SPATA16: variants seen among roughly 807,000 people sequenced by gnomAD.
SPATA16 encodes spermatogenesis associated 16.
In SPATA16, 36 loss-of-function variants were observed where a neutral mutation model predicts 63.3. That is an observed-to-expected ratio of 0.57 (90% CI 0.44 to 0.75). The LOEUF (loss-of-function observed/expected upper bound fraction) is 0.75. SPATA16 is among the 30% of genes least tolerant of loss of function. The pLI, the probability that SPATA16 is intolerant of heterozygous loss-of-function variation, is 0.00. For missense variants in SPATA16, 646 were observed against 679.3 expected, an observed-to-expected ratio of 0.95 and a Z score of 0.54; for synonymous variants, 203 against 216.7, an observed-to-expected ratio of 0.94 and a Z score of 0.56.
chr3:172,952,430 T>C (rs1260401270), intron 6 of SPATA16, among the ~76,000 whole-genome samples: 2 of 152,128 alleles, frequency 1.3e-5, no homozygotes, highest in Non-Finnish European at 1.5e-5. Context: ...CATTCAGGAA[T>C]CTACCTTCTT....
chr3:172,913,681 C>A lies in SPATA16; in HGVS notation c.1567G>T (p.Val523Leu). 1.2e-6 allele frequency: 2 copies of A among 1,613,746 alleles called. No individual in the cohort carries two copies. The highest frequency in any genetic ancestry group is 1.7e-6 in the Non-Finnish European group (2 of 1,179,746). ...TTTACCTTTTGGATCATATTCCACACACGTTCATTATTGTTTCTTCTTCCT... is the reference window on the plus strand; with the variant it reads ...TTTACCTTTTGGATCATATTCCACAAACGTTCATTATTGTTTCTTCTTCCT... ...LEGRRNNNER[V>L]WNMIQKVGQI... Residue 523 changes from valine (V) to leucine (L), a missense_variant, in exon 10 of 11, where the codon GTG becomes TTG. Transcript: ENST00000351008.
intron 4 of SPATA16, 140 bp from the exon 5 acceptor site, chr3:172,977,192 A>G (rs1328813936): frequency 1.4e-6 from 1 of 736,120 alleles, no homozygotes; most frequent in African/African-American, 1.8e-5. Flanking sequence ...TAAGCAAAAC[A>G]CAAAGCACAT....
chr3:173,066,844 G>C (rs535366661), intron 2 of SPATA16, among the ~76,000 whole-genome samples: 1 of 152,008 alleles, frequency 6.6e-6, no homozygotes, highest in Non-Finnish European at 1.5e-5. Context: ...GGCCACTCCC[G>C]GAGTGACAGA....
chr3:173,101,762 T>C (rs1032696513), intron 2 of SPATA16, among the ~76,000 whole-genome samples: 1 of 152,140 alleles, frequency 6.6e-6, no homozygotes, highest in East Asian at 1.9e-4. Context: ...ATACTCTAGA[T>C]CCAAGAGTAT....
intron 2 of SPATA16, among the ~76,000 whole-genome samples, chr3:173,107,990 G>T (rs1284761073): frequency 6.6e-6 from 1 of 152,052 alleles, no homozygotes; most frequent in East Asian, 1.9e-4. Context: ...AATTGGTTAG[G>T]TATTGATTCA....
chr3:172,980,872 C>T (rs889867018), intron 4 of SPATA16, among the ~76,000 whole-genome samples: 1 of 152,170 alleles, frequency 6.6e-6, no homozygotes, highest in Admixed American at 6.5e-5. Flanking sequence ...ACTGGAAAAC[C>T]TCGCACTCTT....
chr3:173,013,524 G>C (rs1367752922), intron 4 of SPATA16, among the ~76,000 whole-genome samples: 5 of 152,232 alleles, frequency 3.3e-5, no homozygotes, highest in African/African-American at 7.2e-5. Flanking sequence ...TTTACAAAAG[G>C]GGGTGGGCTA....
chr3:173,061,134 T>G (rs1736369710), intron 2 of SPATA16, among the ~76,000 whole-genome samples: 1 of 152,240 alleles, frequency 6.6e-6, no homozygotes. Context: ...CCACCTCTTC[T>G]TATCAACATC....
intron 4 of SPATA16, among the ~76,000 whole-genome samples, chr3:172,980,627 A>G (rs1168091198): frequency 1.3e-5 from 2 of 152,134 alleles, no homozygotes; most frequent in Admixed American, 1.3e-4. Flanking sequence ...CTTCTGCACT[A>G]GATCTCATCC....
At chr3:172,927,616 A>C (rs1338940601) in intron 6 of SPATA16, among the ~76,000 whole-genome samples, 1 of 152,168 alleles carries the variant, frequency 6.6e-6, no homozygotes, top group Non-Finnish European at 1.5e-5. Context: ...ACAGATGATA[A>C]AGCTGGAGCT....
intron 2 of SPATA16, among the ~76,000 whole-genome samples, chr3:173,060,566 CA>C (rs1560110061): frequency 1.3e-5 from 2 of 152,144 alleles, no homozygotes; most frequent in African/African-American, 4.8e-5. Context: ...AGAATTTTTA[CA>C]ATTTCTAAGA....
At chr3:173,087,747 G>T (rs1363817010) in intron 2 of SPATA16, among the ~76,000 whole-genome samples, 1 of 152,122 alleles carries the variant, frequency 6.6e-6, no homozygotes, top group Non-Finnish European at 1.5e-5. Context: ...GCATTTGCTT[G>T]TCTGAAAAGG....
At chr3:173,053,616 C>T (rs1367326293) in intron 2 of SPATA16, among the ~76,000 whole-genome samples, 1 of 151,820 alleles carries the variant, frequency 6.6e-6, no homozygotes, top group Non-Finnish European at 1.5e-5. Context: ...AAAATGCAAC[C>T]ACACATTTTT....
chr3:172,998,221 T>C (rs2108264511), intron 4 of SPATA16, among the ~76,000 whole-genome samples: 1 of 152,274 alleles, frequency 6.6e-6, no homozygotes. Flanking sequence ...CACAGAGTTT[T>C]GTAGTTTTTC....
At chr3:173,085,866 A>G (rs1737037449) in intron 2 of SPATA16, among the ~76,000 whole-genome samples, 1 of 152,134 alleles carries the variant, frequency 6.6e-6, no homozygotes, top group Admixed American at 6.5e-5. Flanking sequence ...GGATAATGCC[A>G]ACTTGATCGT....
At chr3:172,981,530 G>T (rs1734319754) in intron 4 of SPATA16, among the ~76,000 whole-genome samples, 1 of 151,674 alleles carries the variant, frequency 6.6e-6, no homozygotes, top group African/African-American at 2.4e-5. Context: ...CCATACTGTT[G>T]CTTCTGGGAT....
intron 6 of SPATA16, among the ~76,000 whole-genome samples, chr3:172,946,021 A>C (rs1733275058): frequency 6.6e-6 from 1 of 152,164 alleles, no homozygotes; most frequent in African/African-American, 2.4e-5. Context: ...TGAGTAAAGA[A>C]GACTTTGTCT....
intron 2 of SPATA16, among the ~76,000 whole-genome samples, chr3:173,049,329 A>G (rs1321683444): frequency 1.3e-5 from 2 of 152,174 alleles, no homozygotes; most frequent in South Asian, 2.1e-4. Context: ...AGTGACTGTA[A>G]TATAAAATAA....
intron 3 of SPATA16, among the ~76,000 whole-genome samples, chr3:173,021,718 T>A (rs1198964490): frequency 7.2e-6 from 1 of 138,460 alleles, no homozygotes; most frequent in African/African-American, 2.6e-5. Flanking sequence ...TCTTCCCTAT[T>A]ACTTTTTATT....
Sources: allele counts gnomAD v4.1 joint callset (sites outside exome capture counted in the v4.1 genomes callset), GRCh38; gene constraint gnomAD v4.1.1; transcripts MANE v1.5; gene names NCBI Gene and HGNC (gene_info 2026-07-23, HGNC 2026-07-21).